GLRA2: variants seen among roughly 807,000 people sequenced by gnomAD.
GLRA2 encodes the protein glycine receptor subunit alpha-2.
GLRA2 carries 11 observed loss-of-function variants against 31.6 expected under a neutral mutation model. That is an observed-to-expected ratio of 0.35 (90% CI 0.22 to 0.58). The LOEUF is 0.58. Among genes scored for constraint, GLRA2 ranks in the 20% least tolerant of loss-of-function variants. The probability of loss-of-function intolerance (pLI) is 0.84; values close to 1 mark genes in which losing one functional copy is unlikely to be tolerated. For missense variants in GLRA2, 212 were observed against 351.8 expected, an observed-to-expected ratio of 0.60 and a Z score of 3.18; for synonymous variants, 132 against 134.0, an observed-to-expected ratio of 0.99 and a Z score of 0.10.
intron 2 of GLRA2, among the ~76,000 whole-genome samples, chrX:14,573,216 C>T (rs2089907974): frequency 8.9e-6 from 1 of 112,032 alleles, no homozygotes; most frequent in Non-Finnish European, 1.9e-5. Context: ...TTAAATTAGC[C>T]ATTGTGCCCC....
chrX:14,507,002 C>G, the GLRA2 span, among the ~76,000 whole-genome samples: 1 of 111,662 alleles, frequency 9.0e-6, no homozygotes, highest in Non-Finnish European at 1.9e-5. Flanking sequence ...AAGGAAAAAT[C>G]TTTATTTGAG....
intron 2 of GLRA2, among the ~76,000 whole-genome samples, chrX:14,548,777 T>C (rs1395812926): frequency 1.8e-5 from 2 of 111,801 alleles, no homozygotes; most frequent in Admixed American, 9.5e-5. Flanking sequence ...GTTGATAATA[T>C]TGGATATACC....
rs764493599 is a variant in GLRA2, at chrX:14,545,956, C to T, written c.202+13584C>T. Among the ~76,000 whole-genome samples the T allele has an allele frequency of 5.4e-5, 6 of 111,196 alleles. No homozygotes were observed. In the South Asian group the frequency reaches 2.3e-3, roughly 42 times the overall value. On this transcript the variant is annotated intron_variant, in intron 2 of 8. Transcript: ENST00000218075. ...TTTGAAAGGAAATGTTACATATGCC[C>T]AGGGTCATGCCTTGTGAATAGGAAG...
chrX:14,707,963 G>GTTTC (rs763531247), intron 8 of GLRA2, among the ~76,000 whole-genome samples: 1 of 110,794 alleles, frequency 9.0e-6, no homozygotes, highest in South Asian at 3.8e-4. Flanking sequence ...ATTGTTACCA[G>GTTTC]TTTCTTTTTT....
intron 7 of GLRA2, among the ~76,000 whole-genome samples, chrX:14,676,772 T>G (rs764707304): frequency 7.7e-4 from 87 of 112,266 alleles, no homozygotes; most frequent in African/African-American, 2.7e-3. Flanking sequence ...ATTGTGGGGC[T>G]AAAGTAAATA....
chrX:14,662,579 T>C (rs1423099381), intron 7 of GLRA2, among the ~76,000 whole-genome samples: 1 of 111,859 alleles, frequency 8.9e-6, no homozygotes, highest in Non-Finnish European at 1.9e-5. Context: ...ACATGAGTTA[T>C]AAAAATATTT....
At chrX:14,620,172 A>G (rs1295545186) in intron 7 of GLRA2, among the ~76,000 whole-genome samples, 2 of 110,183 alleles carry the variant, frequency 1.8e-5, no homozygotes, top group African/African-American at 6.6e-5. Flanking sequence ...TCAAAGATAT[A>G]ATAATAAAAT....
At chrX:14,573,331 C>T (rs1793336018) in intron 2 of GLRA2, among the ~76,000 whole-genome samples, 2 of 111,632 alleles carry the variant, frequency 1.8e-5, no homozygotes, top group Admixed American at 1.9e-4. Context: ...CGAGGGAGGC[C>T]TCAAGCCAAA....
the GLRA2 span, among the ~76,000 whole-genome samples, chrX:14,496,869 T>G: frequency 8.9e-6 from 1 of 111,911 alleles, no homozygotes; most frequent in East Asian, 2.8e-4. Context: ...TTCACTCTGG[T>G]GCTGGCCTTC....
chrX:14,507,379 T>C, the GLRA2 span, among the ~76,000 whole-genome samples: 1 of 111,810 alleles, frequency 8.9e-6, no homozygotes, highest in Non-Finnish European at 1.9e-5. Flanking sequence ...CATAAGATCG[T>C]TGTGAACGTT....
chrX:14,577,979 G>A (rs73199657), intron 3 of GLRA2, among the ~76,000 whole-genome samples: 22,142 of 110,992 alleles, frequency 0.2, 2,153 homozygotes, highest in Non-Finnish European at 0.31. Flanking sequence ...TTAGCTTTAT[G>A]CACAGTGATG....
the GLRA2 span, among the ~76,000 whole-genome samples, chrX:14,497,732 C>T: frequency 9.0e-6 from 1 of 111,479 alleles, no homozygotes; most frequent in Non-Finnish European, 1.9e-5. Context: ...AAAAATGTTG[C>T]CATTTATTTG....
the GLRA2 span, among the ~76,000 whole-genome samples, chrX:14,471,448 G>T: frequency 9.0e-6 from 1 of 111,533 alleles, no homozygotes; most frequent in Non-Finnish European, 1.9e-5. Context: ...TGACTCAAGG[G>T]ATCTATGCTC....
chrX:14,492,175 A>G, the GLRA2 span, among the ~76,000 whole-genome samples: 48 of 111,224 alleles, frequency 4.3e-4, 1 homozygote, highest in African/African-American at 1.5e-3. Context: ...TGGATTTTCA[A>G]TTAACTCAGA....
chrX:14,462,896 G>A, the GLRA2 span, among the ~76,000 whole-genome samples: 1 of 111,398 alleles, frequency 9.0e-6, no homozygotes, highest in Non-Finnish European at 1.9e-5. Context: ...TGCTGGCAAG[G>A]AGTTGTGTTC....
chrX:14,484,576 T>C, the GLRA2 span, among the ~76,000 whole-genome samples: 1 of 112,316 alleles, frequency 8.9e-6, no homozygotes, highest in African/African-American at 3.2e-5. Flanking sequence ...GATGGAGTTC[T>C]TGGCAAAGTC....
At chrX:14,636,186 A>G (rs1469610719) in intron 7 of GLRA2, among the ~76,000 whole-genome samples, 1 of 112,267 alleles carries the variant, frequency 8.9e-6, no homozygotes, top group East Asian at 2.8e-4. Context: ...CAAATAACTC[A>G]TATAGATATA....
chrX:14,716,052 T>C (rs1477864673), intron 8 of GLRA2, among the ~76,000 whole-genome samples: 1 of 111,568 alleles, frequency 9.0e-6, no homozygotes, highest in African/African-American at 3.3e-5. Context: ...TGTGTGACTG[T>C]ATAGTATGCA....
At chrX:14,724,653 C>G (rs1418131221) in intron 8 of GLRA2, among the ~76,000 whole-genome samples, 5 of 65,098 alleles carry the variant, frequency 7.7e-5, no homozygotes, top group Middle Eastern at 9.0e-3. Flanking sequence ...AAAAAAAAAA[C>G]AAGAAGAAGA....
Sources: gnomAD v4.1 joint callset for allele counts (sites outside exome capture counted in the v4.1 genomes callset) on GRCh38, gnomAD v4.1.1 for gene constraint, MANE v1.5 for transcripts, NCBI Gene and HGNC (gene_info 2026-07-23, HGNC 2026-07-21) for gene names.